TNKS: variants seen among roughly 807,000 people sequenced by gnomAD.
TNKS encodes poly [ADP-ribose] polymerase tankyrase-1.
In TNKS, 72 loss-of-function variants were observed where a neutral mutation model predicts 135.8. The ratio of observed to expected loss-of-function variants is 0.53; its 90% CI spans 0.44 to 0.64. TNKS has a LOEUF of 0.64. Among genes scored for constraint, TNKS ranks in the 30% least tolerant of loss-of-function variants. The probability of loss-of-function intolerance (pLI) is 0.00; values close to 1 mark genes in which losing one functional copy is unlikely to be tolerated. For synonymous variants in TNKS, 849 were observed against 649.3 expected, an observed-to-expected ratio of 1.31 and a Z score of -4.68; for missense variants, 1,769 against 1,674.0, an observed-to-expected ratio of 1.06 and a Z score of -0.99.
rs772728623 is a variant in TNKS at position 9,709,969 on chromosome 8, C to G, written c.1593C>G (p.Ala531=). Residue 531 remains alanine (A), a synonymous_variant, in exon 10 of 27, where the codon GCC becomes GCG. Coordinates refer to ENST00000310430, the MANE Select transcript of TNKS (RefSeq NM_003747.3). ...SHETALHCAV[A]SLHPKRKQVT... ...TTACTTTATAGCACTGTGCTGTGGC[C>G]TCTCTGCATCCCAAACGTAAACAAG... 3.2e-5 allele frequency: 52 copies of G among 1,613,550 alleles called. No homozygotes were observed. Among genetic ancestry groups the G allele is most frequent in the Non-Finnish European group, 4.2e-5 (50 of 1,179,962 alleles).
chr8:9,624,099 A>G (rs573880700), intron 3 of TNKS, among the ~76,000 whole-genome samples: 10 of 152,284 alleles, frequency 6.6e-5, no homozygotes, highest in East Asian at 1.9e-4. Flanking sequence ...AGTCCTTCCA[A>G]TGAATCTTTT....
At chr8:9,733,741 A>C (rs1281805263) in intron 15 of TNKS, among the ~76,000 whole-genome samples, 3 of 152,144 alleles carry the variant, frequency 2.0e-5, no homozygotes, top group African/African-American at 7.2e-5. Flanking sequence ...ATATCAGAAA[A>C]AACTGTACAG....
At chr8:9,695,872 GTAAC>G (rs1803489478) in intron 5 of TNKS, among the ~76,000 whole-genome samples, 1 of 152,196 alleles carries the variant, frequency 6.6e-6, no homozygotes, top group Admixed American at 6.5e-5. Context: ...TTTGGCCTGA[GTAAC>G]TAAAAGGATG....
chr8:9,744,754 A>G (rs1425383715), intron 17 of TNKS, among the ~76,000 whole-genome samples: 1 of 152,238 alleles, frequency 6.6e-6, no homozygotes, highest in Non-Finnish European at 1.5e-5. Context: ...GCTATTTAAA[A>G]GAATTAAACA....
At chr8:9,618,041 C>T (rs1246501418) in intron 3 of TNKS, among the ~76,000 whole-genome samples, 29 of 127,024 alleles carry the variant, frequency 2.3e-4, no homozygotes, top group Non-Finnish European at 3.6e-4. Context: ...GGCTAGAGTT[C>T]AGTGGAACGA....
rs372358789 is a variant in TNKS at position 9,771,678 on chromosome 8, GGAGAGAGA to G, written c.3897+1430_3897+1437del. On this transcript the variant is annotated intron_variant, in intron 26 of 26. Coordinates refer to ENST00000310430, the MANE Select transcript of TNKS (RefSeq NM_003747.3). The stretch of plus-strand genomic sequence containing the variant: ...ATGGAGGGGAGAGGCAGGAAGGGAG[GGAGAGAGA>G]GAGAGAGAGAGAGGAAGGGAGAAAG... 8.7e-3 allele frequency among the ~76,000 whole-genome samples: 988 copies of G among 113,046 alleles called. 10 individuals carry two copies. The highest frequency in any genetic ancestry group is 0.013 in the Non-Finnish European group (712 of 55,628). 74.2% of individuals were successfully genotyped at this position (113,046 alleles called of 152,430 possible).
chr8:9,600,859 C>G (rs976539839), intron 2 of TNKS, among the ~76,000 whole-genome samples: 1 of 152,140 alleles, frequency 6.6e-6, no homozygotes, highest in Non-Finnish European at 1.5e-5. Flanking sequence ...CACTATTTTA[C>G]TCAATTTGTT....
At chr8:9,697,846 A>G (rs1367278705) in intron 5 of TNKS, among the ~76,000 whole-genome samples, 1 of 152,170 alleles carries the variant, frequency 6.6e-6, no homozygotes, top group African/African-American at 2.4e-5. Context: ...TGCAGTTTGG[A>G]AATTTCTCAA....
rs1265078066 is a variant in TNKS, at chr8:9,780,177, G to C, written c.*3441G>C. On this transcript the variant is annotated 3_prime_UTR_variant, in exon 27 of 27. Transcript: ENST00000310430. The stretch of plus-strand genomic sequence containing the variant: ...AGTGTCTCTCCCAATGGCACGAAGG[G>C]TTATTGGGCATTGTCCCCACCCCCG... The C allele has an allele frequency of 1.3e-5, 2 of 152,184 alleles. No individual in the cohort carries two copies. Among genetic ancestry groups the C allele is most frequent in the Non-Finnish European group, 2.9e-5 (2 of 68,044 alleles). 9.4% of individuals were successfully genotyped at this position (152,184 alleles called of 1,614,324 possible).
At chr8:9,765,871 T>C (rs1807414141) in intron 24 of TNKS, 74 bp downstream of exon 24, 11 of 1,208,992 alleles carry the variant, frequency 9.1e-6, no homozygotes, top group Non-Finnish European at 1.3e-5. Flanking sequence ...AAACCTACGT[T>C]AAATTGACTA....
At chr8:9,680,898 A>C in intron 5 of TNKS, 98 bp downstream of exon 5, 1 of 797,022 alleles carries the variant, frequency 1.3e-6, no homozygotes. Flanking sequence ...ACATGGCTTT[A>C]TTTTAACTGG....
At chr8:9,728,842 A>T (rs1805282841) in intron 13 of TNKS, among the ~76,000 whole-genome samples, 2 of 151,554 alleles carry the variant, frequency 1.3e-5, no homozygotes, top group African/African-American at 4.9e-5. Context: ...TACTGCCCAG[A>T]CTCCTTCCTG....
intron 3 of TNKS, among the ~76,000 whole-genome samples, chr8:9,675,680 T>G (rs1227799744): frequency 6.6e-6 from 1 of 152,200 alleles, no homozygotes; most frequent in Non-Finnish European, 1.5e-5. Context: ...TTTTTTAAGT[T>G]GTTTGATTGT....
intron 3 of TNKS, among the ~76,000 whole-genome samples, chr8:9,639,045 T>C (rs1210983777): frequency 1.3e-5 from 2 of 152,300 alleles, no homozygotes; most frequent in East Asian, 3.9e-4. Flanking sequence ...CTTCTGTTAT[T>C]AAATTAACTT....
chr8:9,725,764 A>G (rs1020375395), intron 12 of TNKS, among the ~76,000 whole-genome samples: 2 of 152,248 alleles, frequency 1.3e-5, no homozygotes, highest in African/African-American at 4.8e-5. Flanking sequence ...CTTCATGTAC[A>G]TAAACATACT....
chr8:9,577,738 C>T (rs953513756), intron 1 of TNKS, among the ~76,000 whole-genome samples: 41 of 152,098 alleles, frequency 2.7e-4, no homozygotes, highest in African/African-American at 9.4e-4. Context: ...ATTTTTTGGT[C>T]CCTGGCTCCT....
chr8:9,622,755 G>T (rs1386998262), intron 3 of TNKS, among the ~76,000 whole-genome samples: 1 of 151,998 alleles, frequency 6.6e-6, no homozygotes, highest in East Asian at 1.9e-4. Context: ...ACCTAATATT[G>T]CCAGTAAGAC....
chr8:9,624,419 A>G (rs1032205781), intron 3 of TNKS, among the ~76,000 whole-genome samples: 1 of 152,230 alleles, frequency 6.6e-6, no homozygotes, highest in Non-Finnish European at 1.5e-5. Context: ...GATTTTTATT[A>G]AACTTTTATT....
chr8:9,655,612 GC>G (rs1801327411), intron 3 of TNKS, among the ~76,000 whole-genome samples: 1 of 152,178 alleles, frequency 6.6e-6, no homozygotes, highest in South Asian at 2.1e-4. Context: ...AGCCACTGCT[GC>G]CTGATACCCA....
Sources: allele counts gnomAD v4.1 joint callset (sites outside exome capture counted in the v4.1 genomes callset), GRCh38; gene constraint gnomAD v4.1.1; transcripts MANE v1.5; gene names NCBI Gene and HGNC (gene_info 2026-07-23, HGNC 2026-07-21).